ARL15: variants seen among roughly 807,000 people sequenced by gnomAD.
ARL15 encodes ADP-ribosylation factor-like protein 15.
In ARL15, 19 loss-of-function variants were observed where a neutral mutation model predicts 25.2. The observed-to-expected ratio is 0.75, with a 90% CI of 0.53 to 1.10. The LOEUF is 1.10. Ranked by LOEUF, ARL15 falls within the 50% of genes least tolerant of loss-of-function variation. ARL15 has a pLI of 0.00. For missense variants in ARL15, 220 were observed against 246.0 expected (o/e 0.89, Z 0.71); for synonymous variants, 94 against 86.8 (o/e 1.08, Z -0.46).
intron 1 of ARL15, among the ~76,000 whole-genome samples, chr5:54,177,088 C>G (rs548208489): frequency 6.6e-6 from 1 of 152,332 alleles, no homozygotes; most frequent in South Asian, 2.1e-4. Flanking sequence ...AGGTCATGGT[C>G]TCCACTGCCT....
At chr5:53,969,334 C>A (rs898236007) in intron 4 of ARL15, among the ~76,000 whole-genome samples, 2 of 152,136 alleles carry the variant, frequency 1.3e-5, no homozygotes, top group Non-Finnish European at 2.9e-5. Flanking sequence ...GAAGATGGGG[C>A]CAAATAGTAT....
Position 54,235,405 on chromosome 5 carries a change from G to A in ARL15, c.49-63477C>T, listed in dbSNP as rs536012690. 3.0e-4 allele frequency among the ~76,000 whole-genome samples: 46 copies of A among 152,178 alleles called. 1 individual carries two copies. The highest frequency in any genetic ancestry group is 1.7e-3 in the South Asian group (8 of 4,826). On this transcript the variant is annotated intron_variant, in intron 1 of 4. Coordinates refer to ENST00000504924, the MANE Select transcript of ARL15 (RefSeq NM_019087.3). ...CTAAAAAATGTAGTCACAGAATAAC[G>A]GGTGGCATGATCTAATTTATGTTTT...
intron 2 of ARL15, among the ~76,000 whole-genome samples, chr5:54,158,363 G>A (rs146992184): frequency 2.0e-5 from 3 of 152,228 alleles, no homozygotes; most frequent in Non-Finnish European, 2.9e-5. Context: ...ACCCCTCCTA[G>A]GTGATTTTCA....
At chr5:53,992,290 T>C (rs1400632581) in intron 4 of ARL15, among the ~76,000 whole-genome samples, 4 of 148,420 alleles carry the variant, frequency 2.7e-5, no homozygotes, top group African/African-American at 9.9e-5. Context: ...TGGTATACAG[T>C]TTGGGAACTA....
intron 3 of ARL15, among the ~76,000 whole-genome samples, chr5:54,130,000 A>T (rs1753383697): frequency 6.6e-6 from 1 of 152,206 alleles, no homozygotes. Context: ...GCACTTGGGG[A>T]GGCCAAGGTG....
intron 3 of ARL15, 81 bp from the exon 4 acceptor site, chr5:54,113,491 A>T (rs757910994): frequency 2.3e-6 from 3 of 1,305,582 alleles, no homozygotes; most frequent in Non-Finnish European, 3.2e-6. Context: ...TTCCTACTGG[A>T]AACCAATGTA....
At chr5:53,993,955 T>C (rs1383843541) in intron 4 of ARL15, among the ~76,000 whole-genome samples, 2 of 152,232 alleles carry the variant, frequency 1.3e-5, no homozygotes, top group African/African-American at 2.4e-5. Flanking sequence ...TTAATGGCAG[T>C]GTGTCCATTG....
In ARL15 at chr5:54,163,356, C is replaced by CTTTTTTTTTTTTTTT. The variant is rs869196680; in HGVS notation, c.193+8413_193+8427dup. On this transcript the variant is annotated intron_variant, in intron 2 of 4. Coordinates refer to ENST00000504924, the MANE Select transcript of ARL15 (RefSeq NM_019087.3). The stretch of plus-strand genomic sequence containing the variant: ...GTCCATGAGGGCTATTGGTATGAAG[C>CTTTTTTTTTTTTTTT]TTTTTTTTTTTTTTTTTTTTTTTTT... Among the ~76,000 whole-genome samples, 27 of 55,690 alleles carry CTTTTTTTTTTTTTTT rather than the reference C, an allele frequency of 4.8e-4. 2 individuals are homozygous for CTTTTTTTTTTTTTTT. Among genetic ancestry groups the CTTTTTTTTTTTTTTT allele is most frequent in the Non-Finnish European group, 8.7e-4 (25 of 28,770 alleles). The allele number at this position is 55,690 out of a possible 152,430, so 36.5% of individuals were successfully genotyped here. A position where few individuals can be genotyped will look rare whatever the true frequency, so the allele number is the denominator to read the frequency against.
intron 4 of ARL15, among the ~76,000 whole-genome samples, chr5:54,066,515 T>A (rs551855085): frequency 1.3e-5 from 2 of 152,258 alleles, no homozygotes; most frequent in African/African-American, 4.8e-5. Flanking sequence ...GAAAGAAGAC[T>A]GACAGGGACA....
At chr5:54,096,725 A>T (rs1752299596) in intron 4 of ARL15, among the ~76,000 whole-genome samples, 1 of 152,150 alleles carries the variant, frequency 6.6e-6, no homozygotes, top group South Asian at 2.1e-4. Context: ...ATGACATTTT[A>T]AAAACACAGA....
chr5:54,200,637 GGTTACCT>G (rs1478004816), intron 1 of ARL15, among the ~76,000 whole-genome samples: 1 of 152,036 alleles, frequency 6.6e-6, no homozygotes, highest in Non-Finnish European at 1.5e-5. Flanking sequence ...ACCCTAAAAG[GGTTACCT>G]GTACTAGGGT....
chr5:54,021,102 G>A (rs1036718641), intron 4 of ARL15, among the ~76,000 whole-genome samples: 22 of 152,208 alleles, frequency 1.4e-4, no homozygotes, highest in East Asian at 5.8e-4. Context: ...TTGGAAGGCC[G>A]AGGTGGGCAG....
At position 54,198,469 on chromosome 5, in the gene ARL15, T is replaced by C. The variant is rs763927295; in HGVS notation, c.49-26541A>G. Among the ~76,000 whole-genome samples, 4 of 150,000 alleles carry C rather than the reference T, an allele frequency of 2.7e-5. 1 individual carries two copies. In the Middle Eastern group the frequency reaches 0.01, roughly 388 times the overall value. ...AAAGTCTCAGGATACAAAATCAATG[T>C]ACAAAAATCACAAGCATTCTTATAC... On this transcript the variant is annotated intron_variant, in intron 1 of 4. Transcript: ENST00000504924.
At chr5:53,921,478 T>C (rs1745859832) in intron 4 of ARL15, among the ~76,000 whole-genome samples, 1 of 152,244 alleles carries the variant, frequency 6.6e-6, no homozygotes, top group Admixed American at 6.5e-5. Flanking sequence ...CATGAACTAA[T>C]TTTTGCAGAT....
chr5:54,066,499 T>C (rs1339430997), intron 4 of ARL15, among the ~76,000 whole-genome samples: 3 of 152,184 alleles, frequency 2.0e-5, no homozygotes, highest in African/African-American at 7.2e-5. Context: ...AGGATCTATA[T>C]ATCATGAAAG....
intron 4 of ARL15, among the ~76,000 whole-genome samples, chr5:53,888,086 A>T (rs527428482): frequency 8.7e-5 from 13 of 149,182 alleles, no homozygotes; most frequent in Non-Finnish European, 1.8e-4. Flanking sequence ...ACACTAATTT[A>T]AAAAAAAAAC....
At chr5:53,951,993 C>T (rs889988800) in intron 4 of ARL15, among the ~76,000 whole-genome samples, 9 of 151,440 alleles carry the variant, frequency 5.9e-5, no homozygotes, top group Admixed American at 2.0e-4. Flanking sequence ...AGTAGCTGGG[C>T]GTGGTGGCTC....
intron 4 of ARL15, among the ~76,000 whole-genome samples, chr5:54,052,404 G>C (rs1363474867): frequency 6.6e-6 from 1 of 152,162 alleles, no homozygotes; most frequent in African/African-American, 2.4e-5. Context: ...GGTATAAAGT[G>C]CAGAACTAAG....
At chr5:54,007,507 A>C (rs981705849) in intron 4 of ARL15, among the ~76,000 whole-genome samples, 1 of 152,118 alleles carries the variant, frequency 6.6e-6, no homozygotes, top group African/African-American at 2.4e-5. Flanking sequence ...TTTATCTTTA[A>C]ATTTTAAAAG....
Sources: allele counts gnomAD v4.1 joint callset (sites outside exome capture counted in the v4.1 genomes callset), GRCh38; gene constraint gnomAD v4.1.1; transcripts MANE v1.5; gene names NCBI Gene and HGNC (gene_info 2026-07-23, HGNC 2026-07-21).